The following MATN2 variants were observed in gnomAD, a reference collection of about 807,000 sequenced individuals.
MATN2 encodes matrilin-2.
MATN2 carries 69 observed loss-of-function variants against 103.2 expected under a neutral mutation model. The observed-to-expected ratio is 0.67, with a 90% CI of 0.55 to 0.82. The LOEUF (loss-of-function observed/expected upper bound fraction) is 0.82, where lower values mean the gene tolerates loss of function less well. Ranked by LOEUF, MATN2 falls within the 40% of genes least tolerant of loss-of-function variation. MATN2 has a pLI of 0.00. For missense variants in MATN2, 1,023 were observed against 1,211.5 expected (o/e 0.84, Z 2.31); for synonymous variants, 429 against 450.2 (o/e 0.95, Z 0.60).
intron 3 of MATN2, among the ~76,000 whole-genome samples, chr8:97,938,914 G>A (rs1033603482): frequency 2.0e-5 from 3 of 151,988 alleles, no homozygotes; most frequent in East Asian, 1.9e-4. Flanking sequence ...ACAGAGTCTC[G>A]CTGTGTCTGC....
intron 4 of MATN2, among the ~76,000 whole-genome samples, chr8:97,959,626 T>C (rs1211411017): frequency 6.6e-6 from 1 of 152,330 alleles, no homozygotes; most frequent in African/African-American, 2.4e-5. Flanking sequence ...TTTTTTTCCA[T>C]CTACTTTATT....
chr8:97,947,855 T>C (rs1325679180), intron 4 of MATN2, among the ~76,000 whole-genome samples: 1 of 152,182 alleles, frequency 6.6e-6, no homozygotes, highest in African/African-American at 2.4e-5. Context: ...AAAATATCCA[T>C]AAACACTAAA....
chr8:97,945,238 A>C (rs999744487), intron 4 of MATN2, among the ~76,000 whole-genome samples: 1 of 152,206 alleles, frequency 6.6e-6, no homozygotes, highest in Non-Finnish European at 1.5e-5. Context: ...ACCATGTGCC[A>C]GGAGCTTTCC....
At chr8:97,924,656 G>C (rs1240557988) in intron 2 of MATN2, among the ~76,000 whole-genome samples, 1 of 151,774 alleles carries the variant, frequency 6.6e-6, no homozygotes, top group Non-Finnish European at 1.5e-5. Context: ...GGAACCATCA[G>C]TGGCTTGACT....
At chr8:97,917,773 A>C (rs1809681186) in intron 2 of MATN2, among the ~76,000 whole-genome samples, 1 of 152,154 alleles carries the variant, frequency 6.6e-6, no homozygotes, top group Admixed American at 6.5e-5. Context: ...TATTGGGTTC[A>C]TCCCCACTTA....
At chr8:97,991,723 A>G (rs1369336861) in intron 6 of MATN2, among the ~76,000 whole-genome samples, 2 of 107,262 alleles carry the variant, frequency 1.9e-5, no homozygotes, top group Non-Finnish European at 4.5e-5. Flanking sequence ...CTCTATCTCA[A>G]AAAAAAAAAA....
chr8:97,929,469 T>C (rs932625020), intron 2 of MATN2, among the ~76,000 whole-genome samples: 12 of 152,212 alleles, frequency 7.9e-5, no homozygotes, highest in Middle Eastern at 3.4e-3. Context: ...GCTCAGAATA[T>C]CCGAGAAACT....
At chr8:97,924,359 G>GT (rs969717832) in intron 2 of MATN2, among the ~76,000 whole-genome samples, 82 of 151,978 alleles carry the variant, frequency 5.4e-4, no homozygotes, top group African/African-American at 1.9e-3. Flanking sequence ...AACTGTTACA[G>GT]TTTTTTTTCA....
intron 5 of MATN2, among the ~76,000 whole-genome samples, chr8:97,963,246 G>A (rs1229928864): frequency 6.6e-6 from 1 of 152,190 alleles, no homozygotes; most frequent in African/African-American, 2.4e-5. Context: ...TGTTAAATGG[G>A]TAGAAACTCT....
At chr8:98,024,809 G>C (rs1205287370) in intron 13 of MATN2, 1 of 152,132 alleles carries the variant, frequency 6.6e-6, no homozygotes, top group African/African-American at 2.4e-5. Flanking sequence ...CTACCAAAAA[G>C]AAAATGCCCA....
rs192151558 is a variant in MATN2, at chr8:98,018,019, C to T, written c.1722C>T (p.Asp574=). 6.2e-6 allele frequency: 10 copies of T among 1,613,592 alleles called. No homozygotes were observed. The highest frequency in any genetic ancestry group is 8.5e-6 in the Non-Finnish European group (10 of 1,179,678). ...GGAAAGATGTCTGCCAAGCTATAGA[C>T]CATGGCTGTGAACACATTTGTGTGA... ...CRRKDVCQAI[D]HGCEHICVNS... The change falls in exon 12 of 19, where the codon GAC becomes GAT. Residue 574 remains aspartate, a synonymous_variant. Transcript: ENST00000254898.
At chr8:97,924,044 C>A (rs370218780) in intron 2 of MATN2, among the ~76,000 whole-genome samples, 10 of 152,366 alleles carry the variant, frequency 6.6e-5, no homozygotes, top group African/African-American at 2.4e-4. Flanking sequence ...TCTTTCACCT[C>A]AATTCCTCTA....
intron 7 of MATN2, among the ~76,000 whole-genome samples, chr8:98,001,462 CTTTT>C (rs35005441): frequency 1.1e-3 from 127 of 118,918 alleles, no homozygotes; most frequent in Middle Eastern, 4.6e-3. Flanking sequence ...ACACTTTTGT[CTTTT>C]TTTTTTTTTT....
intron 18 of MATN2, chr8:98,034,058 A>AACTC (rs1264831488): frequency 7.1e-6 from 3 of 419,822 alleles, no homozygotes; most frequent in African/African-American, 4.1e-5. Context: ...AGAGGTTTCA[A>AACTC]ACTCAGTACT....
chr8:98,003,622 T>C (rs771411621), intron 7 of MATN2, 39 bp from the exon 8 acceptor site: 3 of 1,612,134 alleles, frequency 1.9e-6, no homozygotes, highest in Admixed American at 3.3e-5. Flanking sequence ...CTGGGAGAGG[T>C]CCAGAGTCTG....
At chr8:98,002,654 G>A (rs1226169582) in intron 7 of MATN2, among the ~76,000 whole-genome samples, 1 of 152,108 alleles carries the variant, frequency 6.6e-6, no homozygotes, top group African/African-American at 2.4e-5. Context: ...CAGCTCAACT[G>A]AGCCTTGGCT....
chr8:98,016,426 G>A (rs1813357292), intron 10 of MATN2, 114 bp from the exon 11 acceptor site: 1 of 935,264 alleles, frequency 1.1e-6, no homozygotes, highest in Admixed American at 2.3e-5. Context: ...GTGTACTGTA[G>A]GATAAGGCAC....
chr8:98,033,034 C>A lies in MATN2; in HGVS notation c.2582-8C>A. 6.3e-7 allele frequency: 1 copy of A among 1,598,094 alleles called. No homozygotes were observed. The highest frequency in any genetic ancestry group is 8.5e-7 in the Non-Finnish European group (1 of 1,175,276). ...CAGGTTTGATTGCAGTTTTCTTTCT[C>A]TTTACAGAATCTGAGCCAGTCACCA... On this transcript the variant is annotated splice_polypyrimidine_tract_variant and splice_region_variant and intron_variant, in intron 16 of 18. Coordinates refer to ENST00000254898, the MANE Select transcript of MATN2 (RefSeq NM_002380.5).
At chr8:97,977,633 C>A (rs1425208080) in intron 5 of MATN2, among the ~76,000 whole-genome samples, 2 of 152,126 alleles carry the variant, frequency 1.3e-5, no homozygotes, top group South Asian at 4.1e-4. Flanking sequence ...TCAGTCTATT[C>A]TTGACTCATG....
Sources: gnomAD v4.1 joint callset for allele counts (sites outside exome capture counted in the v4.1 genomes callset) on GRCh38, gnomAD v4.1.1 for gene constraint, MANE v1.5 for transcripts, NCBI Gene and HGNC (gene_info 2026-07-23, HGNC 2026-07-21) for gene names.